The following ANKRD36B variants were observed in gnomAD, a reference collection of about 807,000 sequenced individuals.
The protein encoded by ANKRD36B is ankyrin repeat domain 36B, also known as ankyrin repeat domain-containing protein 36B.
ANKRD36B carries 37 observed loss-of-function variants against 135.7 expected under a neutral mutation model. The ratio of observed to expected loss-of-function variants is 0.27; its 90% CI spans 0.21 to 0.36. The LOEUF (loss-of-function observed/expected upper bound fraction) is 0.36. Ranked by LOEUF, ANKRD36B falls within the 10% of genes least tolerant of loss-of-function variation. The pLI, the probability that ANKRD36B is intolerant of heterozygous loss-of-function variation, is 1.00. For missense variants in ANKRD36B, 549 were observed against 1,037.1 expected, an observed-to-expected ratio of 0.53 and a Z score of 6.46; for synonymous variants, 179 against 348.1, an observed-to-expected ratio of 0.51 and a Z score of 5.41.
chr2:97,559,405 A>C (rs2104757178), intron 8 of ANKRD36B, among the ~76,000 whole-genome samples: 2 of 152,014 alleles, frequency 1.3e-5, no homozygotes, highest in Middle Eastern at 6.8e-3. Context: ...ACAGATGTTC[A>C]TTATGCCCTT....
intron 22 of ANKRD36B, chr2:97,547,293 T>C: frequency 2.2e-6 from 1 of 464,010 alleles, no homozygotes; most frequent in South Asian, 2.5e-5. Flanking sequence ...CCCTTATGCC[T>C]TGAACTGCTC....
chr2:97,552,182 A>G (rs756116356), intron 16 of ANKRD36B, among the ~76,000 whole-genome samples: 15 of 152,106 alleles, frequency 9.9e-5, no homozygotes, highest in Middle Eastern at 6.8e-3. Context: ...AATATCATCT[A>G]TTATCAATTT....
At chr2:97,561,802 T>G (rs1170059606) in intron 6 of ANKRD36B, among the ~76,000 whole-genome samples, 1 of 151,944 alleles carries the variant, frequency 6.6e-6, no homozygotes, top group Non-Finnish European at 1.5e-5. Flanking sequence ...AGCCAATGTA[T>G]GCATATTCAC....
At position 97,553,164 on chromosome 2, in the gene ANKRD36B, T is replaced by A. The variant is rs1233049866; in HGVS notation, c.1273+4A>T. ...ATGACATTGAATGTGTTTTGCAAAA[T>A]TACCTGTCCCAGATTTTTCTCCATC... is the stretch of plus-strand genomic sequence containing the variant. On this transcript the variant is annotated splice_donor_region_variant and intron_variant, in intron 16 of 43. Coordinates refer to ENST00000359901, the MANE Select transcript of ANKRD36B (RefSeq NM_001393939.1). The A allele has an allele frequency of 6.2e-7, 1 of 1,610,236 alleles. No homozygotes were observed. Among genetic ancestry groups the A allele is most frequent in the South Asian group, 1.1e-5 (1 of 90,708 alleles).
chr2:97,534,123 A>T (rs2078745600), intron 34 of ANKRD36B, among the ~76,000 whole-genome samples: 1 of 96,090 alleles, frequency 1.0e-5, no homozygotes, highest in Admixed American at 9.2e-5. Flanking sequence ...GAAAAAATTA[A>T]ATTTCCACAG....
Position 97,556,957 on chromosome 2 carries a change from C to T in ANKRD36B, c.1049G>A (p.Gly350Asp). 1 of 1,591,766 alleles carries T rather than the reference C, an allele frequency of 6.3e-7. No individual in the cohort carries two copies. ...SLLNIATRIM[G>D]GGKSGTVSSQ... Reference sequence around the variant, plus strand: ...ATTACCTGTTCCAGATTTCCCACCGCCCATTATTCTTGTGGCAATATTCAA... The same window carrying T: ...ATTACCTGTTCCAGATTTCCCACCGTCCATTATTCTTGTGGCAATATTCAA... The change falls in exon 12 of 44, where the codon GGC becomes GAC. Residue 350 changes from glycine (G) to aspartate (D), a missense_variant. Coordinates refer to ENST00000359901, the MANE Select transcript of ANKRD36B (RefSeq NM_001393939.1).
At chr2:97,525,739 C>T (rs1486631944) in intron 35 of ANKRD36B, among the ~76,000 whole-genome samples, 1 of 97,800 alleles carries the variant, frequency 1.0e-5, no homozygotes, top group African/African-American at 3.1e-5. Context: ...AAATGGCGCA[C>T]CAGGAGATTA....
chr2:97,581,348 G>A (rs1169270437), intron 3 of ANKRD36B, among the ~76,000 whole-genome samples: 2 of 151,944 alleles, frequency 1.3e-5, no homozygotes, highest in Non-Finnish European at 2.9e-5. Context: ...GAGCACCTGA[G>A]CACCTGACAT....
chr2:97,556,966 C>T lies in ANKRD36B; in HGVS notation c.1040G>A (p.Arg347Lys). 6.3e-7 allele frequency: 1 copy of T among 1,590,262 alleles called. No homozygotes were observed. Residue 347 changes from arginine to lysine, a missense_variant, in exon 12 of 44, where the codon AGA becomes AAA. Physicochemically the swap from Arg to Lys is conservative, Grantham distance 26 (BLOSUM62 2). Transcript: ENST00000359901. ...TCCAGATTTCCCACCGCCCATTATTCTTGTGGCAATATTCAAAAGAGAAAC... is the reference window on the plus strand; with the variant it reads ...TCCAGATTTCCCACCGCCCATTATTTTTGTGGCAATATTCAAAAGAGAAAC... ...KKVSLLNIAT[R>K]IMGGGKSGTV...
rs2078717537 is a variant in ANKRD36B, at chr2:97,533,741, A to G, written c.2192-1357T>C. Among the ~76,000 whole-genome samples, 2 of 95,366 alleles carry G rather than the reference A, an allele frequency of 2.1e-5. 1 individual carries two copies. Among genetic ancestry groups the G allele is most frequent in the Non-Finnish European group, 5.6e-5 (2 of 36,010 alleles). The allele number at this position is 95,366 out of a possible 152,430, so 62.6% of individuals were successfully genotyped here. On this transcript the variant is annotated intron_variant, in intron 34 of 43. Transcript: ENST00000359901. ...AGAACTTTCTGAATCCACTCATGCA[A>G]GAAGATATGTAAACCACATCAAAAA...
intron 35 of ANKRD36B, among the ~76,000 whole-genome samples, chr2:97,527,087 C>T (rs1440471739): frequency 1.1e-5 from 1 of 94,380 alleles, no homozygotes; most frequent in Admixed American, 9.5e-5. Flanking sequence ...AGAGCAACTC[C>T]AAGACACATA....
In ANKRD36B at chr2:97,565,887, G is replaced by GTA. The variant is rs1427695721; in HGVS notation, c.764-5028_764-5027insTA. ...GGGGTGTGTGTGTGTGTGTGTGTGT[G>GTA]TGTATATATATATATGTACAGTGGC... On this transcript the variant is annotated intron_variant, in intron 6 of 43. Transcript: ENST00000359901. Among the ~76,000 whole-genome samples, 82 of 149,826 alleles carry GTA rather than the reference G, an allele frequency of 5.5e-4. 1 individual carries two copies. The highest frequency in any genetic ancestry group is 1.9e-3 in the African/African-American group (76 of 40,936).
intron 20 of ANKRD36B, among the ~76,000 whole-genome samples, 197 bp from the exon 21 acceptor site, chr2:97,547,928 C>G (rs1407775666): frequency 2.0e-5 from 3 of 151,692 alleles, no homozygotes; most frequent in Non-Finnish European, 4.4e-5. Flanking sequence ...ATGAAAAATA[C>G]TCTTATAATT....
chr2:97,557,331 A>T (rs2080622781), intron 10 of ANKRD36B, among the ~76,000 whole-genome samples, 199 bp from the exon 11 acceptor site: 1 of 151,778 alleles, frequency 6.6e-6, no homozygotes, highest in South Asian at 2.1e-4. Context: ...CAGAAAATAT[A>T]CAGTCAGAAA....
chr2:97,530,012 T>C lies in ANKRD36B; in HGVS notation c.2265+2299A>G, dbSNP rs1312624508. ...ATTTATAGAATCAGTGCCATCCCCA[T>C]CAAGCTCCCAATGACTTTCTTCACT... is the stretch of plus-strand genomic sequence containing the variant. On this transcript the variant is annotated intron_variant, in intron 35 of 43. Transcript: ENST00000359901. 1.4e-4 allele frequency among the ~76,000 whole-genome samples: 13 copies of C among 95,766 alleles called. 5 individuals carry two copies. The highest frequency in any genetic ancestry group is 3.6e-4 in the Non-Finnish European group (13 of 36,228). The allele number at this position is 95,766 out of a possible 152,430, so 62.8% of individuals were successfully genotyped here.
intron 14 of ANKRD36B, among the ~76,000 whole-genome samples, chr2:97,554,351 A>G (rs2080307738): frequency 6.6e-6 from 1 of 152,012 alleles, no homozygotes; most frequent in African/African-American, 2.4e-5. Flanking sequence ...TCTAATTTTT[A>G]TAACAAAAAT....
At chr2:97,535,964 C>A (rs2078865709) in intron 34 of ANKRD36B, among the ~76,000 whole-genome samples, 1 of 93,772 alleles carries the variant, frequency 1.1e-5, no homozygotes, top group South Asian at 2.4e-4. Flanking sequence ...ACTCGGGAGG[C>A]TGAGGCAGGA....
At chr2:97,562,643 T>C (rs991897650) in intron 6 of ANKRD36B, among the ~76,000 whole-genome samples, 10 of 152,182 alleles carry the variant, frequency 6.6e-5, no homozygotes, top group Admixed American at 6.6e-4. Context: ...TACATTTTTT[T>C]CGTTCATAAA....
At chr2:97,559,022 C>A (rs1352812493) in intron 8 of ANKRD36B, 28 bp from the exon 9 acceptor site, 19 of 1,602,382 alleles carry the variant, frequency 1.2e-5, no homozygotes, top group Admixed American at 8.4e-5. Context: ...AACATAATCA[C>A]TCACATGTAC....
Sources: gnomAD v4.1 joint callset for allele counts (sites outside exome capture counted in the v4.1 genomes callset) on GRCh38, gnomAD v4.1.1 for gene constraint, MANE v1.5 for transcripts, NCBI Gene and HGNC (gene_info 2026-07-23, HGNC 2026-07-21) for gene names.